RARB: variants seen among roughly 807,000 people sequenced by gnomAD.
The protein encoded by RARB is retinoic acid receptor beta, also known as HBV-activated protein.
Under a neutral mutation model 51.9 loss-of-function variants are expected in RARB, and 17 were observed. The ratio of observed to expected loss-of-function variants is 0.33; its 90% CI spans 0.22 to 0.49. The LOEUF (loss-of-function observed/expected upper bound fraction) is 0.49, where lower values mean the gene tolerates loss of function less well. Ranked by LOEUF, RARB falls within the 20% of genes least tolerant of loss-of-function variation. The probability of loss-of-function intolerance (pLI) is 0.99; values close to 1 mark genes in which losing one functional copy is unlikely to be tolerated. For missense variants in RARB, 369 were observed against 550.8 expected (o/e 0.67, Z 3.30); for synonymous variants, 215 against 195.4 (o/e 1.10, Z -0.84).
chr3:25,168,209 CT>C (rs547148866), intron 4 of RARB, among the ~76,000 whole-genome samples: 99 of 151,880 alleles, frequency 6.5e-4, no homozygotes, highest in Non-Finnish European at 1.2e-3. Flanking sequence ...GGACATTTCT[CT>C]TTTTTTTGTC....
chr3:24,934,758 T>A (rs1211375988), intron 2 of RARB, among the ~76,000 whole-genome samples: 1 of 152,150 alleles, frequency 6.6e-6, no homozygotes, highest in Non-Finnish European at 1.5e-5. Context: ...GCCATTTTAT[T>A]TCCAAGTTTT....
intron 2 of RARB, among the ~76,000 whole-genome samples, chr3:24,938,886 TGTATCAAA>T (rs1317875547): frequency 6.6e-6 from 1 of 152,240 alleles, no homozygotes; most frequent in East Asian, 1.9e-4. Context: ...TGTTGTAGCA[TGTATCAAA>T]GTTTTATTCC....
At chr3:25,404,102 T>C (rs1707340107) in intron 5 of RARB, among the ~76,000 whole-genome samples, 1 of 152,146 alleles carries the variant, frequency 6.6e-6, no homozygotes, top group Admixed American at 6.5e-5. Flanking sequence ...CTTCAACTGC[T>C]CGATTCTGAT....
intron 5 of RARB, chr3:25,259,914 T>A: frequency 1.0e-6 from 1 of 985,358 alleles, no homozygotes; most frequent in Non-Finnish European, 1.2e-6. Context: ...GTTTTCTTTC[T>A]CAGGCTTTGT....
chr3:25,426,250 T>A (rs1002314680), upstream of RARB, among the ~76,000 whole-genome samples: 2 of 152,170 alleles, frequency 1.3e-5, no homozygotes, highest in East Asian at 3.9e-4. Context: ...AGTTAAAGGG[T>A]TTCTTACAAT....
chr3:25,282,159 A>G (rs532293166), intron 5 of RARB, among the ~76,000 whole-genome samples: 15 of 152,206 alleles, frequency 9.9e-5, no homozygotes, highest in Non-Finnish European at 1.6e-4. Context: ...ATTAGGTGCC[A>G]GATATGGCCC....
At chr3:24,962,550 A>G (rs1696164440) in intron 2 of RARB, among the ~76,000 whole-genome samples, 1 of 152,166 alleles carries the variant, frequency 6.6e-6, no homozygotes, top group Non-Finnish European at 1.5e-5. Context: ...ACTAGGCCGC[A>G]CAGCAGGAGT....
chr3:25,114,702 C>A (rs1002725541), intron 3 of RARB, among the ~76,000 whole-genome samples: 28 of 152,092 alleles, frequency 1.8e-4, no homozygotes, highest in African/African-American at 6.8e-4. Flanking sequence ...ATGTAAGGAT[C>A]CTTGGAGGAA....
At chr3:25,508,288 C>T (rs149857337) in intron 3 of RARB, among the ~76,000 whole-genome samples, 238 of 152,252 alleles carry the variant, frequency 1.6e-3, no homozygotes, top group African/African-American at 5.4e-3. Context: ...TAGACATGAA[C>T]GTCCCCATGG....
At chr3:25,327,109 G>A (rs1281569260) in intron 5 of RARB, among the ~76,000 whole-genome samples, 2 of 152,092 alleles carry the variant, frequency 1.3e-5, no homozygotes, top group African/African-American at 2.4e-5. Context: ...TAGACACAGG[G>A]ATTATAAAAG....
intron 5 of RARB, among the ~76,000 whole-genome samples, chr3:25,201,331 C>T (rs182851983): frequency 1.3e-3 from 200 of 152,280 alleles, no homozygotes; most frequent in African/African-American, 4.7e-3. Context: ...CGATTTTGGG[C>T]TGAGACGATG....
At chr3:25,319,693 A>T (rs535999295) in intron 5 of RARB, among the ~76,000 whole-genome samples, 1 of 152,320 alleles carries the variant, frequency 6.6e-6, no homozygotes, top group East Asian at 1.9e-4. Flanking sequence ...TCCTGAAAAG[A>T]CACAGATCTT....
At chr3:25,131,997 G>T (rs1699960842) in intron 3 of RARB, among the ~76,000 whole-genome samples, 5 of 151,876 alleles carry the variant, frequency 3.3e-5, no homozygotes, top group Admixed American at 2.6e-4. Flanking sequence ...AAAATAAAAA[G>T]CAGGAGTCTA....
chr3:24,940,116 G>A (rs1426019882), intron 2 of RARB, among the ~76,000 whole-genome samples: 2 of 152,216 alleles, frequency 1.3e-5, no homozygotes, highest in Non-Finnish European at 2.9e-5. Flanking sequence ...GAAAAGAAAT[G>A]TCATTGTTGG....
At chr3:25,181,122 C>T (rs980597669) in intron 5 of RARB, among the ~76,000 whole-genome samples, 2 of 152,058 alleles carry the variant, frequency 1.3e-5, no homozygotes, top group African/African-American at 4.8e-5. Context: ...TGAGGGGACA[C>T]ACAGGTTTTT....
chr3:25,488,212 A>G (rs994286437), intron 2 of RARB, among the ~76,000 whole-genome samples: 1 of 152,134 alleles, frequency 6.6e-6, no homozygotes, highest in Admixed American at 6.5e-5. Flanking sequence ...TTTTTCCTAC[A>G]CCTGCCTGTG....
In RARB at chr3:25,516,940, T is replaced by C. The variant is rs189651181; in HGVS notation, c.448+15617T>C. On this transcript the variant is annotated intron_variant, in intron 3 of 7. Coordinates refer to ENST00000330688, the MANE Select transcript of RARB (RefSeq NM_000965.5). ...CTGTGTCCAGCTTCCTTGTCCCTTTTATTTTTATTTTTTAAAAGTGTTTAA... is the reference window on the plus strand; with the variant it reads ...CTGTGTCCAGCTTCCTTGTCCCTTTCATTTTTATTTTTTAAAAGTGTTTAA... 1.2e-4 allele frequency among the ~76,000 whole-genome samples: 18 copies of C among 152,326 alleles called. No homozygotes were observed. The East Asian group carries it at 3.5e-3, about 29-fold the overall frequency.
chr3:25,248,364 T>A (rs1316189612), intron 5 of RARB, among the ~76,000 whole-genome samples: 1 of 152,222 alleles, frequency 6.6e-6, no homozygotes, highest in African/African-American at 2.4e-5. Flanking sequence ...TCTGTTTACA[T>A]TCAAGATTAT....
Position 25,262,415 on chromosome 3 carries a change from CAA to C in RARB, c.178+87842_178+87843del, listed in dbSNP as rs1175759480. On this transcript the variant is annotated intron_variant, in intron 5 of 11. Transcript: ENST00000383772. ...ACAAATTTAGTGTCTGAAAACAACA[CAA>C]ATTTATTACAGTTCTGCATGTCTGA... is the stretch of plus-strand genomic sequence containing the variant. 2.6e-5 allele frequency among the ~76,000 whole-genome samples: 4 copies of C among 152,174 alleles called. No homozygotes were observed. The East Asian group carries it at 7.7e-4, about 29-fold the overall frequency.
Sources: allele counts gnomAD v4.1 joint callset (sites outside exome capture counted in the v4.1 genomes callset), GRCh38; gene constraint gnomAD v4.1.1; transcripts MANE v1.5; gene names NCBI Gene and HGNC (gene_info 2026-07-23, HGNC 2026-07-21).